The following ZMYND8 variants were observed in gnomAD, a reference collection of about 807,000 sequenced individuals.
The protein encoded by ZMYND8 is MYND-type zinc finger-containing chromatin reader ZMYND8.
In ZMYND8, 37 loss-of-function variants were observed where a neutral mutation model predicts 140.8. The observed-to-expected ratio is 0.26, with a 90% CI of 0.20 to 0.35. ZMYND8 has a LOEUF of 0.35. Among genes scored for constraint, ZMYND8 ranks in the 10% least tolerant of loss-of-function variants. The pLI is 1.00. For missense variants in ZMYND8, 1,068 were observed against 1,570.0 expected (o/e 0.68, Z 5.40); for synonymous variants, 592 against 597.1 (o/e 0.99, Z 0.12).
chr20:47,255,853 A>C (rs1193372467), intron 12 of ZMYND8, among the ~76,000 whole-genome samples: 1 of 147,010 alleles, frequency 6.8e-6, no homozygotes, highest in Non-Finnish European at 1.5e-5. Flanking sequence ...CACACACCAT[A>C]TACTGAGGTC....
chr20:47,299,557 TG>T (rs1387896149), intron 3 of ZMYND8, among the ~76,000 whole-genome samples: 1 of 151,742 alleles, frequency 6.6e-6, no homozygotes, highest in Non-Finnish European at 1.5e-5. Flanking sequence ...CACCAAAAAA[TG>T]GTTACCTAAT....
At position 47,276,749 on chromosome 20, in the gene ZMYND8, G is replaced by T; in HGVS notation, c.1045C>A (p.Pro349Thr). 1 of 1,613,684 alleles carries T rather than the reference G, an allele frequency of 6.2e-7. No homozygotes were observed. Among genetic ancestry groups the T allele is most frequent in the Non-Finnish European group, 8.5e-7 (1 of 1,179,896 alleles). ...NNCYLMSKEI[P>T]FSVKKTKSIF... ...CTCTTAGTCTTTTTCACAGAAAAAG[G>T]AATTTCTTTAGACATGAGGTAGCAA... Residue 349 changes from proline to threonine, a missense_variant, in exon 11 of 23, where the codon CCT (proline) becomes ACT (threonine). By Grantham distance (38) the Pro-to-Thr change is conservative. Coordinates refer to ENST00000471951, the MANE Select transcript of ZMYND8 (RefSeq NM_001281775.3).
chr20:47,229,880 C>T (rs1291696434), intron 16 of ZMYND8, 74 bp from the exon 17 acceptor site: 1 of 1,360,384 alleles, frequency 7.4e-7, no homozygotes, highest in African/African-American at 1.5e-5. Context: ...TACTTAAAAT[C>T]TATCTGTATA....
At chr20:47,266,904 G>T (rs2075567670) in intron 11 of ZMYND8, among the ~76,000 whole-genome samples, 1 of 151,986 alleles carries the variant, frequency 6.6e-6, no homozygotes, top group Non-Finnish European at 1.5e-5. Context: ...TCACTCTTAG[G>T]TAAGTACCTA....
chr20:47,331,353 A>C (rs2080924674), intron 2 of ZMYND8, among the ~76,000 whole-genome samples: 1 of 152,136 alleles, frequency 6.6e-6, no homozygotes, highest in Non-Finnish European at 1.5e-5. Context: ...ACGATATTGT[A>C]AGAAAATGAC....
At chr20:47,227,631 T>TAAC (rs3092762) in intron 17 of ZMYND8, among the ~76,000 whole-genome samples, 17,912 of 152,186 alleles carry the variant, frequency 0.12, 1,143 homozygotes, top group South Asian at 0.16. Context: ...CACTCTTACA[T>TAAC]AACATTTAGG....
At position 47,246,327 on chromosome 20, in the gene ZMYND8, C is replaced by T. The variant is rs1040258515; in HGVS notation, c.1965G>A (p.Lys655=). 1.2e-6 allele frequency: 2 copies of T among 1,613,848 alleles called. No homozygotes were observed. Among genetic ancestry groups the T allele is most frequent in the Non-Finnish European group, 1.7e-6 (2 of 1,179,956 alleles). The change falls in exon 14 of 23, where the codon AAG becomes AAA. Residue 655 remains lysine, a synonymous_variant. Transcript: ENST00000471951. ...MDKEPSAVKK[K]PKPTNPVEIK... ...TCTCCACTGGGTTTGTAGGCTTGGG[C>T]TTTTTTTTAACAGCAGATGGCTCTT...
chr20:47,293,394 A>T (rs1433851195), intron 5 of ZMYND8, among the ~76,000 whole-genome samples: 1 of 152,182 alleles, frequency 6.6e-6, no homozygotes, highest in Non-Finnish European at 1.5e-5. Flanking sequence ...CACAGTGGCC[A>T]TGGTTTGACC....
rs917913756 is a variant in ZMYND8, at chr20:47,236,309, C to T, written c.2856+17G>A. 1.9e-6 allele frequency: 3 copies of T among 1,613,978 alleles called. No homozygotes were observed. The African/African-American group carries it at 4.0e-5, about 22-fold the overall frequency. ...CAGGTGTCTGCCATCTCCACGGTAG[C>T]TCTCCCATCCACTCACTTTGCTAGT... On this transcript the variant is annotated intron_variant, in intron 16 of 22. Transcript: ENST00000471951.
At chr20:47,290,156 C>T in intron 7 of ZMYND8, 31 bp downstream of exon 7, 1 of 1,599,158 alleles carries the variant, frequency 6.3e-7, no homozygotes, top group Non-Finnish European at 8.5e-7. Context: ...ACACAGCATA[C>T]TCTTTCTTAG....
At chr20:47,276,198 C>A (rs2076246002) in intron 11 of ZMYND8, 116 bp downstream of exon 11, 2 of 1,338,834 alleles carry the variant, frequency 1.5e-6, no homozygotes, top group Middle Eastern at 2.8e-4. Context: ...CTCTGTGGCC[C>A]CCTACAGTTC....
In ZMYND8 at chr20:47,281,976, A is replaced by G. The variant is rs41395146; in HGVS notation, c.998+126T>C. On this transcript the variant is annotated intron_variant, in intron 10 of 22. Transcript: ENST00000471951. ...CCACAGGAAATTTATTTCAACAACA[A>G]GATCAATGGTTGGTATCATGACAAT... is the stretch of plus-strand genomic sequence containing the variant. 118 of 806,452 alleles carry G rather than the reference A, an allele frequency of 1.5e-4. 1 individual carries two copies. In the East Asian group the frequency reaches 3.2e-3, roughly 22 times the overall value. 50.0% of individuals were successfully genotyped at this position (806,452 alleles called of 1,614,324 possible). A position where few individuals can be genotyped will look rare whatever the true frequency, so the allele number is the denominator to read the frequency against.
At position 47,276,523 on chromosome 20, in the gene ZMYND8, G is replaced by A. The variant is rs780853501; in HGVS notation, c.1271C>T (p.Thr424Met). The change falls in exon 11 of 23, where the codon ACG (threonine) becomes ATG (methionine). Residue 424 changes from threonine (T) to methionine (M), a missense_variant. Physicochemically the swap from Thr to Met is moderately conservative, Grantham distance 81. Transcript: ENST00000471951. ...GCTCATCAGGATCTTGGGGGATGCC[G>A]TCATGTCAAAGTTGAGCTTGACCTT... ...QEKVKLNFDM[T>M]ASPKILMSKP... 6.8e-6 allele frequency: 11 copies of A among 1,613,956 alleles called. No homozygotes were observed. Among genetic ancestry groups the A allele is most frequent in the South Asian group, 2.2e-5 (2 of 91,088 alleles).
intron 2 of ZMYND8, among the ~76,000 whole-genome samples, chr20:47,335,558 G>C (rs1003771958): frequency 1.3e-5 from 2 of 152,112 alleles, no homozygotes; most frequent in African/African-American, 2.4e-5. Context: ...TCTCTAAAAG[G>C]CCTCAGCCCT....
chr20:47,296,028 T>C (rs1262000829), intron 4 of ZMYND8, among the ~76,000 whole-genome samples: 2 of 152,052 alleles, frequency 1.3e-5, no homozygotes, highest in South Asian at 2.1e-4. Context: ...CAAGAGTCAC[T>C]CAGAAGCTGA....
chr20:47,247,975 T>C (rs979659741), intron 13 of ZMYND8, among the ~76,000 whole-genome samples: 6 of 152,138 alleles, frequency 3.9e-5, no homozygotes, highest in African/African-American at 1.4e-4. Flanking sequence ...CTGGTATAAT[T>C]CTGGGATCCT....
At chr20:47,238,339 C>T (rs1399740900) in intron 15 of ZMYND8, 1 of 170,128 alleles carries the variant, frequency 5.9e-6, no homozygotes, top group East Asian at 1.8e-4. Context: ...AATTTTATGG[C>T]ATCATATACA....
intron 21 of ZMYND8, among the ~76,000 whole-genome samples, chr20:47,213,861 T>C (rs2035658490): frequency 6.6e-6 from 1 of 152,336 alleles, no homozygotes; most frequent in South Asian, 2.1e-4. Flanking sequence ...CCAAGTACAT[T>C]ATTTATTAGT....
At chr20:47,325,551 C>G (rs966560430) in intron 2 of ZMYND8, among the ~76,000 whole-genome samples, 1 of 152,130 alleles carries the variant, frequency 6.6e-6, no homozygotes, top group Non-Finnish European at 1.5e-5. Context: ...CTGGTCACGT[C>G]GGCCTCTGAA....
Sources: gnomAD v4.1 joint callset for allele counts (sites outside exome capture counted in the v4.1 genomes callset) on GRCh38, gnomAD v4.1.1 for gene constraint, MANE v1.5 for transcripts, NCBI Gene and HGNC (gene_info 2026-07-23, HGNC 2026-07-21) for gene names.